The following AGAP3 variants were observed in gnomAD, a reference collection of about 807,000 sequenced individuals.
AGAP3 encodes ArfGAP with GTPase domain, ankyrin repeat and PH domain 3.
AGAP3 carries 24 observed loss-of-function variants against 96.9 expected under a neutral mutation model. The ratio of observed to expected loss-of-function variants is 0.25; its 90% CI spans 0.18 to 0.35. The LOEUF (loss-of-function observed/expected upper bound fraction) is 0.35, where lower values mean the gene tolerates loss of function less well. Ranked by LOEUF, AGAP3 falls within the 10% of genes least tolerant of loss-of-function variation. The pLI is 1.00. For synonymous variants in AGAP3, 563 were observed against 536.1 expected (o/e 1.05, Z -0.69); for missense variants, 876 against 1,254.2 (o/e 0.70, Z 4.55).
chr7:151,106,060 G>A (rs1199585494), intron 1 of AGAP3, among the ~76,000 whole-genome samples: 1 of 151,962 alleles, frequency 6.6e-6, no homozygotes, highest in Non-Finnish European at 1.5e-5. Context: ...TTGAAAATAT[G>A]AAACAGACCT....
intron 9 of AGAP3, 65 bp from the exon 10 acceptor site, chr7:151,128,515 G>C: frequency 1.4e-6 from 2 of 1,396,378 alleles, no homozygotes; most frequent in Non-Finnish European, 2.0e-6. Context: ...ACGACATCGT[G>C]ACCTCCTCAT....
chr7:151,115,492 G>A (rs1458852651), intron 1 of AGAP3: 67 of 1,017,830 alleles, frequency 6.6e-5, no homozygotes, highest in Non-Finnish European at 7.7e-5. Context: ...GACGCCCCGC[G>A]CGCAGCGCCG....
chr7:151,129,735 C>T (rs761252231), intron 10 of AGAP3, among the ~76,000 whole-genome samples: 5 of 148,904 alleles, frequency 3.4e-5, no homozygotes, highest in African/African-American at 7.3e-5. Flanking sequence ...GTCCCACTCG[C>T]GAGTCCTTGC....
intron 1 of AGAP3, among the ~76,000 whole-genome samples, chr7:151,107,024 T>C (rs1308496728): frequency 6.7e-6 from 1 of 150,330 alleles, no homozygotes; most frequent in Admixed American, 6.7e-5. Flanking sequence ...TAAAAATATT[T>C]TGCGGCCGGG....
At chr7:151,123,736 T>C in intron 8 of AGAP3, 58 bp from the exon 9 acceptor site, 5 of 1,597,256 alleles carry the variant, frequency 3.1e-6, no homozygotes, top group Non-Finnish European at 4.3e-6. Flanking sequence ...GAAGTCCAGG[T>C]GGGCAGCTCT....
chr7:151,143,624 G>A lies in AGAP3; in HGVS notation c.2529+28G>A. ...GAGTCACGTGCCTCTAGCCTGCCCT[G>A]ACCTCGCTCTTCTTAGCCTTGTTCT... On this transcript the variant is annotated intron_variant, in intron 17 of 17. Coordinates refer to ENST00000397238, the MANE Select transcript of AGAP3 (RefSeq NM_031946.7). The surrounding 1 kb of genome is among the most constrained non-coding windows in gnomAD (Gnocchi z 5.9). The A allele has an allele frequency of 6.3e-7, 1 of 1,596,518 alleles. No homozygotes were observed. The highest frequency in any genetic ancestry group is 8.6e-7 in the Non-Finnish European group (1 of 1,169,294).
At chr7:151,128,527 C>T (rs950035704) in intron 9 of AGAP3, 53 bp from the exon 10 acceptor site, 12 of 1,504,450 alleles carry the variant, frequency 8.0e-6, no homozygotes, top group African/African-American at 1.4e-5. Context: ...CCTCCTCATG[C>T]CCTATGACCT....
chr7:151,097,975 G>A (rs936645515), intron 1 of AGAP3, among the ~76,000 whole-genome samples: 2 of 152,178 alleles, frequency 1.3e-5, no homozygotes, highest in Admixed American at 6.5e-5. Flanking sequence ...CAGCGCCTCC[G>A]CATGGGACTG....
intron 8 of AGAP3, among the ~76,000 whole-genome samples, chr7:151,122,480 T>A (rs1158387720): frequency 1.3e-5 from 2 of 152,062 alleles, no homozygotes; most frequent in Non-Finnish European, 2.9e-5. Flanking sequence ...TTGGCCTGTG[T>A]CTGCCCAGCA....
intron 1 of AGAP3, among the ~76,000 whole-genome samples, chr7:151,087,835 C>T (rs1798221763): frequency 6.6e-6 from 1 of 152,260 alleles, no homozygotes; most frequent in African/African-American, 2.4e-5. Context: ...GACTTTCGAC[C>T]GCTGAGGGCA....
rs774194640 is a variant in AGAP3, at chr7:151,143,948, C to A, written c.*5C>A. The A allele has an allele frequency of 6.2e-7, 1 of 1,613,420 alleles. No individual in the cohort carries two copies. The highest frequency in any genetic ancestry group is 8.5e-7 in the Non-Finnish European group (1 of 1,179,594). On this transcript the variant is annotated 3_prime_UTR_variant, in exon 18 of 18. Transcript: ENST00000397238. The surrounding 1 kb of genome is among the most constrained non-coding windows in gnomAD (Gnocchi z 5.9). ...CGTAGTCCTAGCCTCCTATAAGGCC[C>A]AGGAAGAGGGCAGAGGGGCCAGAAG...
At chr7:151,136,096 C>T (rs1563519583) in intron 11 of AGAP3, 1 of 152,312 alleles carries the variant, frequency 6.6e-6, no homozygotes, top group East Asian at 1.9e-4. Flanking sequence ...AGTGCTCTGC[C>T]CGGAGAGCGG....
chr7:151,117,320 C>A (rs770001050), intron 3 of AGAP3, 51 bp from the exon 4 acceptor site: 10 of 1,609,080 alleles, frequency 6.2e-6, no homozygotes, highest in Non-Finnish European at 8.5e-6. Flanking sequence ...TTCTTCTTGG[C>A]CCCTGGATTC....
Position 151,122,294 on chromosome 7 carries a change from C to T in AGAP3, c.1129-1500C>T, listed in dbSNP as rs938001103. 3.9e-5 allele frequency among the ~76,000 whole-genome samples: 6 copies of T among 152,190 alleles called. No individual in the cohort carries two copies. The South Asian group carries it at 1.0e-3, about 26-fold the overall frequency. ...AGCTGCTGGGTGGCACTTTGCTCTC[C>T]GGCGGCTCTTTTGCCCGGTTCTCCT... On this transcript the variant is annotated intron_variant, in intron 8 of 17. Transcript: ENST00000397238.
At position 151,118,366 on chromosome 7, in the gene AGAP3, A is replaced by C; in HGVS notation, c.841+22A>C. ...GACGGTAACTCGGGTGCCGGGTGGGAGTCACTGGCAGCCGCGGCCCCAGTG... is the reference window on the plus strand; with the variant it reads ...GACGGTAACTCGGGTGCCGGGTGGGCGTCACTGGCAGCCGCGGCCCCAGTG... On this transcript the variant is annotated intron_variant, in intron 6 of 17. Coordinates refer to ENST00000397238, the MANE Select transcript of AGAP3 (RefSeq NM_031946.7). This position sits in a 1 kb window ranked among gnomAD's most constrained non-coding sequence, Gnocchi z 6.1. 1.2e-6 allele frequency: 2 copies of C among 1,601,856 alleles called. No homozygotes were observed. The highest frequency in any genetic ancestry group is 1.7e-6 in the Non-Finnish European group (2 of 1,170,670).
At position 151,135,265 on chromosome 7, in the gene AGAP3, A is replaced by G. The variant is rs1214651107; in HGVS notation, c.1495+697A>G. Among the ~76,000 whole-genome samples the G allele has an allele frequency of 3.9e-5, 6 of 152,134 alleles. No homozygotes were observed. In the East Asian group the frequency reaches 1.2e-3, roughly 29 times the overall value. The stretch of plus-strand genomic sequence containing the variant: ...GATTGCTTTCCCCCAAGACTTCAGT[A>G]TCCCCAGTGTTGTCCTAGACCATTG... On this transcript the variant is annotated intron_variant, in intron 11 of 17. Transcript: ENST00000397238.
intron 1 of AGAP3, among the ~76,000 whole-genome samples, chr7:151,097,626 G>A (rs1025635801): frequency 5.9e-5 from 9 of 152,066 alleles, no homozygotes; most frequent in Admixed American, 1.3e-4. Context: ...GGAGGCCTCA[G>A]GGAGCTTTTT....
In AGAP3 at chr7:151,141,721, G is replaced by T. The variant is rs377749846; in HGVS notation, c.1805-177G>T. ...CTGGGAGCTCACACTAGTCTTGCAG[G>T]TTTACTCTGGCCTCCCCCTGCAAGC... On this transcript the variant is annotated intron_variant, in intron 13 of 17. Coordinates refer to ENST00000397238, the MANE Select transcript of AGAP3 (RefSeq NM_031946.7). The surrounding 1 kb of genome is among the most constrained non-coding windows in gnomAD (Gnocchi z 4.2). The T allele has an allele frequency of 4.1e-4, 288 of 698,896 alleles. No individual in the cohort carries two copies. The African/African-American group carries it at 4.4e-3, about 11-fold the overall frequency. 43.3% of individuals were successfully genotyped at this position (698,896 alleles called of 1,614,324 possible). A position where few individuals can be genotyped will look rare whatever the true frequency, so the allele number is the denominator to read the frequency against.
intron 9 of AGAP3, among the ~76,000 whole-genome samples, chr7:151,125,119 G>A (rs574589457): frequency 6.6e-6 from 1 of 152,222 alleles, no homozygotes; most frequent in Non-Finnish European, 1.5e-5. Flanking sequence ...CACCTCCTTT[G>A]TGGGGGACCC....
Sources: allele counts gnomAD v4.1 joint callset (sites outside exome capture counted in the v4.1 genomes callset), GRCh38; gene constraint gnomAD v4.1.1; non-coding constraint Gnocchi (gnomAD v3.1); transcripts MANE v1.5; gene names NCBI Gene and HGNC (gene_info 2026-07-23, HGNC 2026-07-21).